The following FDFT1 variants were observed in gnomAD, a reference collection of about 807,000 sequenced individuals.
The protein encoded by FDFT1 is farnesyl-diphosphate farnesyltransferase 1.
In FDFT1, 68 loss-of-function variants were observed where a neutral mutation model predicts 46.8. The observed-to-expected ratio is 1.45, with a 90% CI of 1.19 to 1.78. The LOEUF (loss-of-function observed/expected upper bound fraction) is 1.78. Among genes scored for constraint, FDFT1 ranks in the 40% most tolerant of loss-of-function variants. The pLI is 0.00. For synonymous variants in FDFT1, 351 were observed against 185.1 expected (o/e 1.90, Z -7.28); for missense variants, 928 against 524.4 (o/e 1.77, Z -7.52).
chr8:11,839,091 G>A lies in FDFT1; in HGVS notation c.*482G>A, dbSNP rs1448434395. On this transcript the variant is annotated 3_prime_UTR_variant, in exon 8 of 8. Coordinates refer to ENST00000220584, the MANE Select transcript of FDFT1 (RefSeq NM_004462.5). ...GTAGATAGAAATATTTATGGTTTAG[G>A]TAACAGTTAGATGTTTCCTAAGAAT... 1 of 159,056 alleles carries A rather than the reference G, an allele frequency of 6.3e-6. No individual in the cohort carries two copies. Among genetic ancestry groups the A allele is most frequent in the Non-Finnish European group, 1.4e-5 (1 of 71,734 alleles). The allele number at this position is 159,056 out of a possible 1,614,324, so 9.9% of individuals were successfully genotyped here. A position where few individuals can be genotyped will look rare whatever the true frequency, so the allele number is the denominator to read the frequency against.
chr8:11,806,155 T>C (rs937214820), intron 1 of FDFT1, among the ~76,000 whole-genome samples: 38 of 152,158 alleles, frequency 2.5e-4, no homozygotes, highest in African/African-American at 8.4e-4. Context: ...GAGTCTGGTC[T>C]TGTCGTCTTC....
chr8:11,808,551 G>A (rs920757554), intron 1 of FDFT1: 24 of 1,365,066 alleles, frequency 1.8e-5, no homozygotes, highest in Non-Finnish European at 2.1e-5. Context: ...CAAGGCCATG[G>A]CCCTCTTCAA....
In FDFT1 at chr8:11,838,671, T is replaced by G; in HGVS notation, c.*62T>G. 2 of 1,247,960 alleles carry G rather than the reference T, an allele frequency of 1.6e-6. No individual in the cohort carries two copies. The highest frequency in any genetic ancestry group is 1.9e-4 in the Middle Eastern group (1 of 5,286). The allele number at this position is 1,247,960 out of a possible 1,614,324, so 77.3% of individuals were successfully genotyped here. A position where few individuals can be genotyped will look rare whatever the true frequency, so the allele number is the denominator to read the frequency against. On this transcript the variant is annotated 3_prime_UTR_variant, in exon 8 of 8. Transcript: ENST00000220584. ...TGGATTTACTTTTTTTCTTTAAGGATGGATGTTGTGTTCTCTTTATTTTTT... is the reference window on the plus strand; with the variant it reads ...TGGATTTACTTTTTTTCTTTAAGGAGGGATGTTGTGTTCTCTTTATTTTTT...
At chr8:11,825,598 A>G (rs987466423) in intron 4 of FDFT1, among the ~76,000 whole-genome samples, 9 of 151,656 alleles carry the variant, frequency 5.9e-5, no homozygotes, top group African/African-American at 2.2e-4. Context: ...TTTGCCTACA[A>G]TCCCAGCTGT....
chr8:11,803,770 T>C, intron 1 of FDFT1: 1 of 182,470 alleles, frequency 5.5e-6, no homozygotes, highest in Non-Finnish European at 1.2e-5. Context: ...TCGGAGTCTT[T>C]CTTTCAGTGT....
intron 7 of FDFT1, 48 bp downstream of exon 7, chr8:11,831,718 TTTA>T: frequency 6.8e-7 from 1 of 1,472,502 alleles, no homozygotes; most frequent in Non-Finnish European, 9.5e-7. Context: ...ACTTTTATGA[TTTA>T]GTAATGTCAC....
chr8:11,831,823 A>G, intron 7 of FDFT1, 153 bp downstream of exon 7: 1 of 688,974 alleles, frequency 1.5e-6, no homozygotes, highest in South Asian at 1.8e-5. Flanking sequence ...TAAGGAAAAA[A>G]GTCTATTCAC....
chr8:11,807,773 A>G (rs1357873128), intron 1 of FDFT1, among the ~76,000 whole-genome samples: 1 of 152,208 alleles, frequency 6.6e-6, no homozygotes, highest in Non-Finnish European at 1.5e-5. Flanking sequence ...CTTGAAAGGA[A>G]TGGCTGGCTT....
At chr8:11,835,345 C>T (rs6601615) in intron 7 of FDFT1, among the ~76,000 whole-genome samples, 2,200 of 152,224 alleles carry the variant, frequency 0.014, 45 homozygotes, top group African/African-American at 0.049. Flanking sequence ...TTGGCCTTAC[C>T]GGCTCTGTTT....
rs370655703 is a variant in FDFT1, at chr8:11,819,959, T to C, written c.382-1791T>C. 2.3e-3 allele frequency among the ~76,000 whole-genome samples: 353 copies of C among 152,290 alleles called. 4 individuals carry two copies. Among genetic ancestry groups the C allele is most frequent in the African/African-American group, 8.3e-3 (343 of 41,574 alleles). ...TTTGGAATTTTCAGCCTTTCTGCTG[T>C]GGTTTCTCCCCATCTTTGTGGTTTT... On this transcript the variant is annotated intron_variant, in intron 3 of 7. Transcript: ENST00000220584.
chr8:11,821,151 A>T (rs934540485), intron 3 of FDFT1, among the ~76,000 whole-genome samples: 1 of 152,246 alleles, frequency 6.6e-6, no homozygotes, highest in African/African-American at 2.4e-5. Flanking sequence ...TGTTCTCCCA[A>T]AAACTTAAAC....
chr8:11,816,161 A>G (rs2130777766), intron 3 of FDFT1, among the ~76,000 whole-genome samples: 1 of 152,300 alleles, frequency 6.6e-6, no homozygotes, highest in South Asian at 2.1e-4. Flanking sequence ...CAGGTTTGTC[A>G]AAGATCAGAT....
chr8:11,809,355 A>G (rs569628588), intron 2 of FDFT1: 85 of 1,120,260 alleles, frequency 7.6e-5, no homozygotes, highest in Admixed American at 9.0e-5. Context: ...TATTTGCTAC[A>G]TATTAGTTCG....
At chr8:11,817,444 C>T (rs916560947) in intron 3 of FDFT1, among the ~76,000 whole-genome samples, 1 of 152,134 alleles carries the variant, frequency 6.6e-6, no homozygotes, top group Non-Finnish European at 1.5e-5. Flanking sequence ...GGAATGGTAC[C>T]AGCTCCTCTT....
chr8:11,808,500 G>A (rs1035366053), intron 1 of FDFT1: 7 of 1,326,308 alleles, frequency 5.3e-6, no homozygotes, highest in Non-Finnish European at 6.7e-6. Context: ...GAAAAACTCC[G>A]CGGGGTCCGC....
intron 3 of FDFT1, among the ~76,000 whole-genome samples, chr8:11,812,423 T>C (rs924589278): frequency 6.6e-6 from 1 of 152,056 alleles, no homozygotes; most frequent in Admixed American, 6.6e-5. Context: ...TCCTCTCAAA[T>C]GAATGTGAGG....
intron 4 of FDFT1, among the ~76,000 whole-genome samples, chr8:11,823,274 C>A (rs1409605964): frequency 2.6e-5 from 4 of 151,964 alleles, no homozygotes; most frequent in Non-Finnish European, 5.9e-5. Flanking sequence ...TTTTTTTCTT[C>A]TACTTTGGGG....
chr8:11,824,235 A>G (rs1374758526), intron 4 of FDFT1, among the ~76,000 whole-genome samples: 1 of 152,094 alleles, frequency 6.6e-6, no homozygotes, highest in African/African-American at 2.4e-5. Context: ...ACTAATAGAC[A>G]ATTATTGTAT....
Position 11,808,733 on chromosome 8 carries a change from CTCCCA to C in FDFT1, c.100-60_100-56del, listed in dbSNP as rs1221265979. The C allele has an allele frequency of 4.6e-3, 7,317 of 1,580,862 alleles. 278 individuals carry two copies. The African/African-American group carries it at 0.085, about 18-fold the overall frequency. Reference sequence around the variant, plus strand: ...AGTCCCACTCCCACTCCCACTCCCACTCCCACTCCCACTCCTGCTCCTCGACGTCT... The same window carrying C: ...AGTCCCACTCCCACTCCCACTCCCACCTCCCACTCCTGCTCCTCGACGTCT... On this transcript the variant is annotated intron_variant, in intron 1 of 7. Transcript: ENST00000220584.
Sources: gnomAD v4.1 joint callset for allele counts (sites outside exome capture counted in the v4.1 genomes callset) on GRCh38, gnomAD v4.1.1 for gene constraint, MANE v1.5 for transcripts, NCBI Gene and HGNC (gene_info 2026-07-23, HGNC 2026-07-21) for gene names.